CTNNA1: variants seen among roughly 807,000 people sequenced by gnomAD.
The protein encoded by CTNNA1 is catenin alpha 1, also known as catenin alpha-1.
In CTNNA1, 37 loss-of-function variants were observed where a neutral mutation model predicts 98.4. The ratio of observed to expected loss-of-function variants is 0.38; its 90% CI spans 0.29 to 0.49. The LOEUF (loss-of-function observed/expected upper bound fraction) is 0.49, where lower values mean the gene tolerates loss of function less well. Ranked by LOEUF, CTNNA1 falls within the 20% of genes least tolerant of loss-of-function variation. The pLI is 0.95. For missense variants in CTNNA1, 761 were observed against 1,147.2 expected (o/e 0.66, Z 4.86); for synonymous variants, 404 against 413.2 (o/e 0.98, Z 0.27).
chr5:138,838,646 G>A (rs1041146637), intron 7 of CTNNA1, among the ~76,000 whole-genome samples: 1 of 151,830 alleles, frequency 6.6e-6, no homozygotes, highest in Non-Finnish European at 1.5e-5. Context: ...CCTGAGGTGA[G>A]AACTTAGGTT....
In CTNNA1 at chr5:138,858,130, T is replaced by A. The variant is rs999447882; in HGVS notation, c.1063-28082T>A. Among the ~76,000 whole-genome samples the A allele has an allele frequency of 0.021, 292 of 13,698 alleles. 1 individual carries two copies. The East Asian group carries it at 0.35, about 16-fold the overall frequency. 9.0% of individuals were successfully genotyped at this position (13,698 alleles called of 152,430 possible). On this transcript the variant is annotated intron_variant, in intron 7 of 17. Coordinates refer to ENST00000302763, the MANE Select transcript of CTNNA1 (RefSeq NM_001903.5). ...GTCATTAATTAGAGTTAAAAAAAATTTTTTTTTTTTTTTTGAGACAGGTTC... is the reference window on the plus strand; with the variant it reads ...GTCATTAATTAGAGTTAAAAAAAATATTTTTTTTTTTTTTGAGACAGGTTC...
intron 3 of CTNNA1, among the ~76,000 whole-genome samples, chr5:138,809,021 A>G (rs1056066946): frequency 2.0e-5 from 3 of 152,204 alleles, no homozygotes; most frequent in East Asian, 1.9e-4. Flanking sequence ...GTCTTGTTCT[A>G]TCACCCACGC....
intron 7 of CTNNA1, among the ~76,000 whole-genome samples, chr5:138,857,826 A>T (rs288017): frequency 0.74 from 112,895 of 152,148 alleles, 42,154 homozygotes; most frequent in East Asian, 0.99. Context: ...CACTGTAAGG[A>T]CTAGTTGAAA....
At position 138,770,674 on chromosome 5, in the gene CTNNA1, C is replaced by T. The variant is rs376046081; in HGVS notation, c.-2-11249C>T. On this transcript the variant is annotated intron_variant, in intron 1 of 17. Coordinates refer to ENST00000302763, the MANE Select transcript of CTNNA1 (RefSeq NM_001903.5). ...TGTTGTCAAGACAGAAAGACCTCGCCGGGCGCGGTGGCTCATGCCTTTAAT... is the reference window on the plus strand; with the variant it reads ...TGTTGTCAAGACAGAAAGACCTCGCTGGGCGCGGTGGCTCATGCCTTTAAT... 7.9e-5 allele frequency among the ~76,000 whole-genome samples: 12 copies of T among 152,218 alleles called. No homozygotes were observed. In the East Asian group the frequency reaches 2.3e-3, roughly 29 times the overall value.
intron 9 of CTNNA1, among the ~76,000 whole-genome samples, chr5:138,889,901 A>T (rs1754979799): frequency 6.6e-6 from 1 of 152,172 alleles, no homozygotes; most frequent in African/African-American, 2.4e-5. Context: ...AGAAGCCTCA[A>T]ATTCCTGACT....
chr5:138,903,080 T>C (rs1457891224), intron 9 of CTNNA1, among the ~76,000 whole-genome samples: 1 of 152,164 alleles, frequency 6.6e-6, no homozygotes, highest in Non-Finnish European at 1.5e-5. Context: ...GTGTTGCTTC[T>C]TTATGTGACT....
intron 1 of CTNNA1, among the ~76,000 whole-genome samples, chr5:138,771,671 G>A (rs926752430): frequency 6.6e-6 from 1 of 152,156 alleles, no homozygotes; most frequent in African/African-American, 2.4e-5. Context: ...ACAAGTCAGA[G>A]TGTGTCTTAA....
chr5:138,827,625 C>T lies in CTNNA1; in HGVS notation c.969C>T (p.Ser323=), dbSNP rs2149785811. The part of the protein sequence containing the change: ...ISGAALMADS[S]CTRDDRRERI... ...GGGCTGCCTTGATGGCCGACTCGTC[C>T]TGCACGCGTGATGACCGTCGTGAGC... The change falls in exon 7 of 18, where the codon TCC becomes TCT. Residue 323 remains serine, a synonymous_variant. Transcript: ENST00000302763. 6.2e-7 allele frequency: 1 copy of T among 1,614,220 alleles called. No individual in the cohort carries two copies. Among genetic ancestry groups the T allele is most frequent in the Non-Finnish European group, 8.5e-7 (1 of 1,180,046 alleles).
At chr5:138,795,245 A>AG (rs1756827110) in intron 3 of CTNNA1, among the ~76,000 whole-genome samples, 1 of 151,426 alleles carries the variant, frequency 6.6e-6, no homozygotes, top group Non-Finnish European at 1.5e-5. Flanking sequence ...GTGGATCACG[A>AG]GGTCAGGGGT....
intron 7 of CTNNA1, chr5:138,875,371 A>G (rs1270047000): frequency 2.0e-6 from 2 of 986,618 alleles, no homozygotes; most frequent in African/African-American, 3.5e-5. Flanking sequence ...ACAGAACTGT[A>G]TATAGGCTGA....
chr5:138,816,767 C>T (rs1049941533), intron 5 of CTNNA1, among the ~76,000 whole-genome samples: 12 of 151,806 alleles, frequency 7.9e-5, no homozygotes, highest in Non-Finnish European at 2.9e-5. Flanking sequence ...GTGGTGCAAT[C>T]TCGACTCACT....
In CTNNA1 at chr5:138,886,218, C is replaced by T. The variant is rs758561244; in HGVS notation, c.1069C>T (p.Arg357Cys). ...LLSEYMGNAGRKERSDALNSA... is the reference protein window; with the variant it reads ...LLSEYMGNAGCKERSDALNSA... ...CTCTTTTCCTTTTATCCAGGCTGGA[C>T]GTAAAGAAAGAAGTGATGCACTCAA... Residue 357 changes from arginine to cysteine, a missense_variant, in exon 8 of 18, where the codon CGT (arginine) becomes TGT (cysteine). Physicochemically the swap from Arg to Cys is radical, Grantham distance 180. Around this residue, in one of 6 missense-constraint regions of CTNNA1, gnomAD observed 287 missense variants for 436.0 expected, o/e 0.66. Coordinates refer to ENST00000302763, the MANE Select transcript of CTNNA1 (RefSeq NM_001903.5). 1.2e-5 allele frequency: 20 copies of T among 1,609,314 alleles called. No homozygotes were observed. Among genetic ancestry groups the T allele is most frequent in the East Asian group, 8.9e-5 (4 of 44,748 alleles).
chr5:138,915,548 C>G (rs1161849186), intron 10 of CTNNA1, among the ~76,000 whole-genome samples: 1 of 152,184 alleles, frequency 6.6e-6, no homozygotes, highest in Non-Finnish European at 1.5e-5. Context: ...ACAAAGTTTA[C>G]TATATTTCCC....
chr5:138,921,596 ATTTT>A (rs386405098), intron 11 of CTNNA1, among the ~76,000 whole-genome samples: 3 of 104,036 alleles, frequency 2.9e-5, no homozygotes, highest in African/African-American at 4.1e-5. Context: ...ATTAGTGGTG[ATTTT>A]TTTTTTTTTT....
intron 5 of CTNNA1, among the ~76,000 whole-genome samples, chr5:138,820,822 A>G (rs999750810): frequency 6.6e-6 from 1 of 152,212 alleles, no homozygotes; most frequent in Non-Finnish European, 1.5e-5. Flanking sequence ...ACATAAACTC[A>G]TTTAATCTTC....
intron 1 of CTNNA1, among the ~76,000 whole-genome samples, chr5:138,765,481 C>T (rs1197844740): frequency 6.6e-6 from 1 of 152,160 alleles, no homozygotes; most frequent in African/African-American, 2.4e-5. Context: ...TGTGCCTGGC[C>T]ATTTTGCTGT....
intron 7 of CTNNA1, among the ~76,000 whole-genome samples, chr5:138,838,063 G>A (rs1761957601): frequency 6.6e-6 from 1 of 152,162 alleles, no homozygotes; most frequent in Admixed American, 6.5e-5. Flanking sequence ...GCCATGTCTG[G>A]CTAAGTTTTG....
chr5:138,794,863 A>T (rs1756762600), intron 3 of CTNNA1, among the ~76,000 whole-genome samples: 1 of 152,222 alleles, frequency 6.6e-6, no homozygotes, highest in Non-Finnish European at 1.5e-5. Flanking sequence ...GTGGAATAAC[A>T]GATGAAAATA....
chr5:138,868,551 C>G (rs1765025286), intron 7 of CTNNA1, among the ~76,000 whole-genome samples: 1 of 152,176 alleles, frequency 6.6e-6, no homozygotes, highest in South Asian at 2.1e-4. Flanking sequence ...TTCCGAAGCT[C>G]TCTGTGGTGT....
Sources: allele counts gnomAD v4.1 joint callset (sites outside exome capture counted in the v4.1 genomes callset), GRCh38; gene constraint gnomAD v4.1.1; regional missense constraint gnomAD v4.1.1; transcripts MANE v1.5; gene names NCBI Gene and HGNC (gene_info 2026-07-23, HGNC 2026-07-21).